Variants in GRK7 observed in about 807,000 individuals in gnomAD.
GRK7 encodes the protein G protein-coupled receptor kinase 7.
A neutral mutation model predicts 34.1 loss-of-function variants in GRK7; 24 were observed. The observed-to-expected ratio is 0.70, with a 90% confidence interval of 0.51 to 0.99. GRK7 has a LOEUF of 0.99. GRK7 is among the 50% of genes least tolerant of loss of function. The pLI is 0.00. For missense variants in GRK7, 644 were observed against 707.3 expected (o/e 0.91, Z 1.02); for synonymous variants, 256 against 279.4 (o/e 0.92, Z 0.84).
At chr3:141,775,759 CTAAAA>C (rs979372361) in intron 2 of GRK7, among the ~76,000 whole-genome samples, 1 of 151,666 alleles carries the variant, frequency 6.6e-6, no homozygotes, top group Non-Finnish European at 1.5e-5. Context: ...ACTGAGCTAA[CTAAAA>C]TATAACTATT....
intron 4 of GRK7, among the ~76,000 whole-genome samples, chr3:141,785,316 G>C (rs1404470744): frequency 2.6e-5 from 4 of 152,184 alleles, no homozygotes; most frequent in Admixed American, 2.0e-4. Context: ...TTTTGGTATA[G>C]ATTTGGCTGT....
At chr3:141,797,356 G>A (rs1710901531) in intron 4 of GRK7, among the ~76,000 whole-genome samples, 1 of 152,172 alleles carries the variant, frequency 6.6e-6, no homozygotes, top group Non-Finnish European at 1.5e-5. Context: ...GGGGCGGGCG[G>A]AGCCTCGAGC....
At chr3:141,805,040 TCA>T (rs201165917) in intron 4 of GRK7, among the ~76,000 whole-genome samples, 4 of 136,206 alleles carry the variant, frequency 2.9e-5, no homozygotes, top group Non-Finnish European at 3.1e-5. Flanking sequence ...ATACACCCAC[TCA>T]CACACACTCA....
chr3:141,807,559 A>G, intron 4 of GRK7, 86 bp from the exon 5 acceptor site: 1 of 1,167,724 alleles, frequency 8.6e-7, no homozygotes, highest in Non-Finnish European at 1.2e-6. Flanking sequence ...GAGAATGTGT[A>G]TTAGGTAGGC....
intron 4 of GRK7, among the ~76,000 whole-genome samples, chr3:141,802,147 T>A (rs1444773070): frequency 1.3e-5 from 2 of 151,884 alleles, no homozygotes; most frequent in Non-Finnish European, 2.9e-5. Flanking sequence ...GGCAGGAGGA[T>A]CCCAGAACTA....
intron 4 of GRK7, among the ~76,000 whole-genome samples, chr3:141,782,728 C>G (rs376133374): frequency 4.0e-5 from 6 of 151,802 alleles, no homozygotes; most frequent in African/African-American, 1.5e-4. Flanking sequence ...TGACGTCAAC[C>G]CAGGAGGCGG....
At chr3:141,752,357 T>C in the GRK7 span, among the ~76,000 whole-genome samples, 1 of 152,156 alleles carries the variant, frequency 6.6e-6, no homozygotes, top group African/African-American at 2.4e-5. Context: ...TTTGTGGATG[T>C]CCACAACGTA....
intron 5 of GRK7, among the ~76,000 whole-genome samples, chr3:141,813,233 C>G (rs1711111912): frequency 9.9e-5 from 15 of 152,156 alleles, no homozygotes. Flanking sequence ...TCAAGAAATT[C>G]TCCTCTCTCA....
rs1460224104 is a variant in GRK7, at chr3:141,768,434, C to T, written c.-215+2696C>T. On this transcript the variant is annotated intron_variant, in intron 1 of 5. Transcript: ENST00000682958. ...CTGGGATTACAGGCACCCACCACCACACCTGGCTAATTTTTTTGTATTTTT... is the reference window on the plus strand; with the variant it reads ...CTGGGATTACAGGCACCCACCACCATACCTGGCTAATTTTTTTGTATTTTT... Among the ~76,000 whole-genome samples the T allele has an allele frequency of 2.6e-5, 4 of 152,114 alleles. No individual in the cohort carries two copies. The East Asian group carries it at 7.7e-4, about 29-fold the overall frequency.
chr3:141,769,673 T>C (rs2084607108), intron 1 of GRK7, among the ~76,000 whole-genome samples: 1 of 152,126 alleles, frequency 6.6e-6, no homozygotes, highest in Non-Finnish European at 1.5e-5. Context: ...TTTCCCAGCC[T>C]CCCTTGCCCT....
upstream of GRK7, among the ~76,000 whole-genome samples, chr3:141,763,159 T>C: frequency 6.6e-6 from 1 of 152,062 alleles, no homozygotes; most frequent in Non-Finnish European, 1.5e-5. Context: ...CCTCCAGATC[T>C]TCTTAAGGAT....
chr3:141,769,535 G>T (rs2084606440), intron 1 of GRK7, among the ~76,000 whole-genome samples: 1 of 152,210 alleles, frequency 6.6e-6, no homozygotes, highest in African/African-American at 2.4e-5. Context: ...TCCTTAAAAG[G>T]ATGGCTTAAC....
At chr3:141,777,342 TGAGACGGAG>T (rs1173825122) in intron 2 of GRK7, among the ~76,000 whole-genome samples, 3 of 123,934 alleles carry the variant, frequency 2.4e-5, no homozygotes, top group South Asian at 2.8e-4. Flanking sequence ...TTTTTTTTTT[TGAGACGGAG>T]TCTCGCTCTG....
At position 141,817,630 on chromosome 3, in the gene GRK7, T is replaced by C. The variant is rs966820120; in HGVS notation, c.*580T>C. On this transcript the variant is annotated 3_prime_UTR_variant, in exon 6 of 6. Coordinates refer to ENST00000682958, the MANE Select transcript of GRK7 (RefSeq NM_139209.3). Reference sequence around the variant, plus strand: ...TTGCAATTTTGTGGAAATAATTTACTATCATAATGTTGAAGCATTTTAAAC... The same window carrying C: ...TTGCAATTTTGTGGAAATAATTTACCATCATAATGTTGAAGCATTTTAAAC... 1 of 152,264 alleles carries C rather than the reference T, an allele frequency of 6.6e-6. No homozygotes were observed. Among genetic ancestry groups the C allele is most frequent in the African/African-American group, 2.4e-5 (1 of 41,470 alleles). 9.4% of individuals were successfully genotyped at this position (152,264 alleles called of 1,614,324 possible).
rs545929118 is a variant in GRK7, at chr3:141,792,823, A to G, written c.1050+12012A>G. On this transcript the variant is annotated intron_variant, in intron 4 of 5. Transcript: ENST00000682958. ...AGCTGCAGGATGGAGACTGGTCACC[A>G]GAAAAGCCAAGGTAGGATTAGAGGG... Among the ~76,000 whole-genome samples, 15 of 152,376 alleles carry G rather than the reference A, an allele frequency of 9.8e-5. 1 individual carries two copies. Among genetic ancestry groups the G allele is most frequent in the African/African-American group, 3.6e-4 (15 of 41,594 alleles).
chr3:141,796,921 C>A (rs1025399599), intron 4 of GRK7, among the ~76,000 whole-genome samples: 1 of 152,086 alleles, frequency 6.6e-6, no homozygotes, highest in Non-Finnish European at 1.5e-5. Flanking sequence ...GCCTGCTGTG[C>A]GCCAGGTTTT....
intron 1 of GRK7, among the ~76,000 whole-genome samples, chr3:141,770,994 CA>C (rs55988355): frequency 0.56 from 47,737 of 85,042 alleles, 9,270 homozygotes; most frequent in Middle Eastern, 0.73. Flanking sequence ...TACCCAGTCT[CA>C]AAAAAAAAAA....
chr3:141,797,520 A>G (rs1311166373), intron 4 of GRK7, among the ~76,000 whole-genome samples: 1 of 152,240 alleles, frequency 6.6e-6, no homozygotes, highest in Non-Finnish European at 1.5e-5. Flanking sequence ...GATAGCGCTA[A>G]GCTCAGCTTG....
At chr3:141,768,026 AT>A (rs1301318434) in intron 1 of GRK7, among the ~76,000 whole-genome samples, 1 of 152,158 alleles carries the variant, frequency 6.6e-6, no homozygotes, top group African/African-American at 2.4e-5. Context: ...TTCAACTGAC[AT>A]TTCCTGAAAG....
Sources: allele counts gnomAD v4.1 joint callset (sites outside exome capture counted in the v4.1 genomes callset), GRCh38; gene constraint gnomAD v4.1.1; transcripts MANE v1.5; gene names NCBI Gene and HGNC (gene_info 2026-07-23, HGNC 2026-07-21).